Variants in SYNE2 observed in about 807,000 individuals in gnomAD.
The protein encoded by SYNE2 is spectrin repeat containing nuclear envelope protein 2, also known as nesprin-2.
A neutral mutation model predicts 856.3 loss-of-function variants in SYNE2; 431 were observed. The observed-to-expected ratio is 0.50, with a 90% CI of 0.47 to 0.55. SYNE2 has a LOEUF of 0.55. Among genes scored for constraint, SYNE2 ranks in the 20% least tolerant of loss-of-function variants. The pLI is 0.00. For missense variants in SYNE2, 8,129 were observed against 8,023.2 expected, an observed-to-expected ratio of 1.01 and a Z score of -0.50; for synonymous variants, 2,923 against 2,872.3, an observed-to-expected ratio of 1.02 and a Z score of -0.56.
chr14:64,119,901 G>A (rs1422097315), intron 67 of SYNE2, among the ~76,000 whole-genome samples: 2 of 152,160 alleles, frequency 1.3e-5, no homozygotes, highest in East Asian at 3.8e-4. Flanking sequence ...AGGCTTCTTC[G>A]TAAAAGAAGG....
chr14:64,202,270 G>T (rs542769136), intron 99 of SYNE2: 1 of 702,312 alleles, frequency 1.4e-6, no homozygotes, highest in Admixed American at 2.0e-5. Flanking sequence ...GAAGCGGTAG[G>T]GCTTGGCACA....
At chr14:64,051,420 A>G in intron 47 of SYNE2, 137 bp from the exon 48 acceptor site, 1 of 802,712 alleles carries the variant, frequency 1.2e-6, no homozygotes, top group Non-Finnish European at 1.9e-6. Flanking sequence ...TATTTTAAGG[A>G]TAGATTATTT....
rs1446306028 is a variant in SYNE2, at chr14:64,162,102, C to T, written c.16125C>T (p.Asp5375=). Residue 5375 remains aspartate (D), a synonymous_variant, in exon 88 of 116, where the codon GAC becomes GAT. Coordinates refer to ENST00000555002, the MANE Select transcript of SYNE2 (RefSeq NM_182914.3). The stretch of plus-strand genomic sequence containing the variant: ...CTCAGGTGAACCAAGCCATTGCAGA[C>T]CAGTTGCAGAAGGCCCAGAGTCTGC... ...RWTQVNQAIA[D]QLQKAQSLLQ... 2 of 1,614,176 alleles carry T rather than the reference C, an allele frequency of 1.2e-6. No individual in the cohort carries two copies. The highest frequency in any genetic ancestry group is 1.7e-6 in the Non-Finnish European group (2 of 1,180,030).
intron 6 of SYNE2, among the ~76,000 whole-genome samples, chr14:63,942,966 T>G (rs1204443220): frequency 6.6e-6 from 1 of 152,230 alleles, no homozygotes; most frequent in Non-Finnish European, 1.5e-5. Flanking sequence ...GAATGCTGAA[T>G]TATCATGATA....
At chr14:63,809,721 G>C (rs1208396236) in intron 1 of SYNE2, among the ~76,000 whole-genome samples, 1 of 152,072 alleles carries the variant, frequency 6.6e-6, no homozygotes, top group Non-Finnish European at 1.5e-5. Context: ...GGCTGGTCTT[G>C]AACTCCAGGC....
Position 64,107,044 on chromosome 14 carries a change from A to G in SYNE2, c.12493-447A>G, listed in dbSNP as rs557244176. On this transcript the variant is annotated intron_variant, in intron 64 of 115. Coordinates refer to ENST00000555002, the MANE Select transcript of SYNE2 (RefSeq NM_182914.3). Reference sequence around the variant, plus strand: ...ATTGATTAATTATTTTGATAGAGACAGGGTCTTACCATGTTGCTCAGGCTG... The same window carrying G: ...ATTGATTAATTATTTTGATAGAGACGGGGTCTTACCATGTTGCTCAGGCTG... Among the ~76,000 whole-genome samples, 9 of 152,332 alleles carry G rather than the reference A, an allele frequency of 5.9e-5. 1 individual carries two copies. The highest frequency in any genetic ancestry group is 5.9e-4 in the Admixed American group (9 of 15,304).
At chr14:64,021,616 G>A (rs929451227) in intron 36 of SYNE2, 101 bp downstream of exon 36, 25 of 1,467,108 alleles carry the variant, frequency 1.7e-5, no homozygotes, top group Middle Eastern at 2.3e-4. Flanking sequence ...AAAAAAAGTC[G>A]AAGAAGAAAA....
At chr14:63,996,795 C>T (rs2096717330) in intron 23 of SYNE2, 152 bp from the exon 24 acceptor site, 2 of 754,768 alleles carry the variant, frequency 2.6e-6, no homozygotes, top group African/African-American at 3.5e-5. Flanking sequence ...ACTCTCTCAT[C>T]TTTTTTTCTC....
chr14:63,937,925 G>A (rs1595746490), intron 2 of SYNE2, among the ~76,000 whole-genome samples: 1 of 152,158 alleles, frequency 6.6e-6, no homozygotes, highest in Non-Finnish European at 1.5e-5. Flanking sequence ...TCAATGGCTT[G>A]GAGTTGTTGA....
At chr14:64,100,528 AAAAATATATAT>A (rs1225962494) in intron 63 of SYNE2, among the ~76,000 whole-genome samples, 26 of 74,414 alleles carry the variant, frequency 3.5e-4, no homozygotes, top group South Asian at 1.5e-3. Flanking sequence ...AAAAAAAAAA[AAAAATATATAT>A]ATATATATAT....
chr14:64,007,744 C>G (rs1322726522), intron 31 of SYNE2, among the ~76,000 whole-genome samples: 3 of 152,128 alleles, frequency 2.0e-5, no homozygotes, highest in African/African-American at 7.2e-5. Context: ...GGACACAGTT[C>G]TCATGCCTGT....
chr14:64,092,448 C>T (rs2097630752), intron 60 of SYNE2, among the ~76,000 whole-genome samples: 1 of 152,126 alleles, frequency 6.6e-6, no homozygotes, highest in Non-Finnish European at 1.5e-5. Context: ...AAGACAAATT[C>T]CTTTTGTGGA....
intron 83 of SYNE2, among the ~76,000 whole-genome samples, chr14:64,145,598 CCT>C (rs1233120002): frequency 6.6e-6 from 1 of 151,042 alleles, no homozygotes; most frequent in East Asian, 1.9e-4. Flanking sequence ...ATGATTATGA[CCT>C]AATAAAAAAT....
chr14:64,038,396 G>T (rs1031654128), intron 45 of SYNE2, among the ~76,000 whole-genome samples: 15 of 152,180 alleles, frequency 9.9e-5, no homozygotes, highest in African/African-American at 3.6e-4. Context: ...CCTCCCAGAC[G>T]ATGGGCGGCC....
intron 45 of SYNE2, among the ~76,000 whole-genome samples, chr14:64,046,292 C>T (rs1315916989): frequency 6.6e-6 from 1 of 152,202 alleles, no homozygotes; most frequent in Non-Finnish European, 1.5e-5. Flanking sequence ...ATAACTTGTT[C>T]TGCCTTACCT....
intron 12 of SYNE2, 136 bp from the exon 13 acceptor site, chr14:63,977,769 T>TA (rs559054829): frequency 1.6e-4 from 110 of 681,688 alleles, no homozygotes; most frequent in East Asian, 4.3e-4. Flanking sequence ...CTTAAAACAA[T>TA]AAAAAAAAGG....
intron 2 of SYNE2, among the ~76,000 whole-genome samples, chr14:63,940,189 C>T (rs960165739): frequency 1.3e-5 from 2 of 151,162 alleles, no homozygotes; most frequent in African/African-American, 4.9e-5. Context: ...GCCATCTTCC[C>T]CCCTCACAGG....
At chr14:63,962,991 A>G (rs2096341580) in intron 9 of SYNE2, among the ~76,000 whole-genome samples, 2 of 152,264 alleles carry the variant, frequency 1.3e-5, no homozygotes, top group African/African-American at 4.8e-5. Context: ...GAGTGCTGTG[A>G]ATTTAGCAAA....
chr14:63,947,874 G>C (rs1255862), intron 6 of SYNE2, among the ~76,000 whole-genome samples: 73,601 of 151,950 alleles, frequency 0.48, 18,884 homozygotes, highest in South Asian at 0.56. Context: ...TGTTCCTACT[G>C]TGCTGTAGTG....
Sources: allele counts gnomAD v4.1 joint callset (sites outside exome capture counted in the v4.1 genomes callset), GRCh38; gene constraint gnomAD v4.1.1; transcripts MANE v1.5; gene names NCBI Gene and HGNC (gene_info 2026-07-23, HGNC 2026-07-21).